Variants in RUFY2 observed in about 807,000 individuals in gnomAD.
RUFY2 encodes the protein RUN and FYVE domain-containing protein 2.
A neutral mutation model predicts 94.4 loss-of-function variants in RUFY2; 49 were observed. The ratio of observed to expected loss-of-function variants is 0.52; its 90% CI spans 0.41 to 0.66. RUFY2 has a LOEUF of 0.66. RUFY2 is among the 30% of genes least tolerant of loss of function. The probability of loss-of-function intolerance (pLI) is 0.00; values close to 1 mark genes in which losing one functional copy is unlikely to be tolerated. For missense variants in RUFY2, 541 were observed against 692.8 expected, an observed-to-expected ratio of 0.78 and a Z score of 2.46; for synonymous variants, 255 against 235.7, an observed-to-expected ratio of 1.08 and a Z score of -0.75.
chr10:68,341,114 T>G, downstream of RUFY2: 2 of 1,185,106 alleles, frequency 1.7e-6, no homozygotes, highest in Non-Finnish European at 1.2e-6. Flanking sequence ...AATCAAGGTA[T>G]GTGGTAATTT....
chr10:68,391,384 C>G lies in RUFY2; in HGVS notation c.650+1754G>C, dbSNP rs905428163. ...ACTTATGTGGCTGGGCACAATGGCTCATGCCTGTAATTTCAGCACTTTGGG... is the reference window on the plus strand; with the variant it reads ...ACTTATGTGGCTGGGCACAATGGCTGATGCCTGTAATTTCAGCACTTTGGG... On this transcript the variant is annotated intron_variant, in intron 7 of 17. Transcript: ENST00000602465. Among the ~76,000 whole-genome samples, 8 of 152,074 alleles carry G rather than the reference C, an allele frequency of 5.3e-5. No individual in the cohort carries two copies. The South Asian group carries it at 6.2e-4, about 12-fold the overall frequency.
At chr10:68,405,223 G>T (rs2051181828) in intron 1 of RUFY2, among the ~76,000 whole-genome samples, 1 of 151,008 alleles carries the variant, frequency 6.6e-6, no homozygotes, top group Non-Finnish European at 1.5e-5. Context: ...TGAAGCAGGA[G>T]AGTCACTTGA....
intron 16 of RUFY2, chr10:68,346,444 T>C (rs1333337875): frequency 5.4e-6 from 1 of 185,520 alleles, no homozygotes; most frequent in Non-Finnish European, 1.1e-5. Flanking sequence ...ATTGAAAAAA[T>C]GAAAAATCAA....
chr10:68,381,100 G>GA (rs766572179), intron 11 of RUFY2, 132 bp downstream of exon 11: 1,727 of 502,174 alleles, frequency 3.4e-3, no homozygotes, highest in Non-Finnish European at 4.3e-3. Flanking sequence ...CTTTCATTTA[G>GA]AAAAAAAAAG....
In RUFY2 at chr10:68,394,310, C is replaced by T. The variant is rs1037674582; in HGVS notation, c.522+18G>A. The T allele has an allele frequency of 6.2e-7, 1 of 1,613,768 alleles. No homozygotes were observed. The highest frequency in any genetic ancestry group is 1.7e-5 in the Admixed American group (1 of 60,002). On this transcript the variant is annotated intron_variant, in intron 5 of 17. Transcript: ENST00000602465. ...AACTGAAAACACTCTGCATTTGGCA[C>T]TAGTCACTTTCACTTACTTGTGAGT...
At chr10:68,406,456 A>C (rs2051311776) in intron 1 of RUFY2, among the ~76,000 whole-genome samples, 1 of 152,194 alleles carries the variant, frequency 6.6e-6, no homozygotes, top group South Asian at 2.1e-4. Flanking sequence ...CTAACGTGCG[A>C]TGCGACAACC....
intron 2 of RUFY2, 127 bp from the exon 3 acceptor site, chr10:68,401,864 C>A: frequency 1.6e-6 from 1 of 644,338 alleles, no homozygotes; most frequent in Non-Finnish European, 2.8e-6. Context: ...CTCTTTTATC[C>A]ACTACATATC....
chr10:68,366,349 A>G (rs1186420062), intron 13 of RUFY2, among the ~76,000 whole-genome samples: 48 of 150,988 alleles, frequency 3.2e-4, no homozygotes, highest in African/African-American at 9.0e-4. Flanking sequence ...AAAAAAAAAA[A>G]AGAGAGAGAA....
intron 16 of RUFY2, among the ~76,000 whole-genome samples, chr10:68,353,333 A>G (rs1352302496): frequency 7.8e-6 from 1 of 127,850 alleles, no homozygotes; most frequent in African/African-American, 2.6e-5. Flanking sequence ...CCTGTCTCGA[A>G]AAAAAAAAAA....
At chr10:68,348,602 T>A (rs1015487273) in intron 16 of RUFY2, among the ~76,000 whole-genome samples, 2 of 151,864 alleles carry the variant, frequency 1.3e-5, no homozygotes, top group African/African-American at 4.8e-5. Flanking sequence ...GCAAAGTGAT[T>A]TGCCAAATGT....
chr10:68,373,710 T>C (rs1239012875), intron 13 of RUFY2, among the ~76,000 whole-genome samples: 1 of 152,170 alleles, frequency 6.6e-6, no homozygotes, highest in African/African-American at 2.4e-5. Flanking sequence ...AATTAGAGGC[T>C]GCAATGAGCT....
chr10:68,370,306 A>G (rs2048170028), intron 13 of RUFY2, among the ~76,000 whole-genome samples: 1 of 152,172 alleles, frequency 6.6e-6, no homozygotes, highest in African/African-American at 2.4e-5. Flanking sequence ...AAAGTAAACT[A>G]ATCCAGTCTA....
At chr10:68,393,756 G>T in intron 6 of RUFY2, 1 of 306,520 alleles carries the variant, frequency 3.3e-6, no homozygotes, top group Non-Finnish European at 6.0e-6. Context: ...GTTCGATCTT[G>T]AAGTAAACCA....
chr10:68,370,019 C>T (rs1344097045), intron 13 of RUFY2, among the ~76,000 whole-genome samples: 1 of 150,334 alleles, frequency 6.7e-6, no homozygotes, highest in Admixed American at 6.6e-5. Context: ...CACGGGGGCT[C>T]GTGCCTATAA....
At chr10:68,360,322 G>A (rs1023545509) in intron 15 of RUFY2, among the ~76,000 whole-genome samples, 1 of 152,048 alleles carries the variant, frequency 6.6e-6, no homozygotes, top group African/African-American at 2.4e-5. Flanking sequence ...CAAGCTGGAT[G>A]TAGTGGCTCA....
chr10:68,346,123 CTA>C, intron 16 of RUFY2, 39 bp from the exon 17 acceptor site: 1 of 1,495,806 alleles, frequency 6.7e-7, no homozygotes, highest in Non-Finnish European at 9.1e-7. Context: ...ATTGGTAACA[CTA>C]AAAATTAAAT....
chr10:68,377,189 A>C, intron 12 of RUFY2: 1 of 1,396,280 alleles, frequency 7.2e-7, no homozygotes, highest in Non-Finnish European at 9.2e-7. Context: ...TAGTATGCCC[A>C]GAATACTATC....
At chr10:68,362,665 C>T (rs559278428) in intron 15 of RUFY2, among the ~76,000 whole-genome samples, 3 of 151,986 alleles carry the variant, frequency 2.0e-5, no homozygotes, top group Non-Finnish European at 4.4e-5. Flanking sequence ...TGGTGCCTGC[C>T]TGTAGTCTCA....
Position 68,391,877 on chromosome 10 carries a change from G to A in RUFY2, c.650+1261C>T, listed in dbSNP as rs549203245. The stretch of plus-strand genomic sequence containing the variant: ...CTCGGGAGGCTGAGGTAGGAGAATC[G>A]CTAGAACCCTGGGGGCAGGCAGAGG... On this transcript the variant is annotated intron_variant, in intron 7 of 17. Transcript: ENST00000602465. Among the ~76,000 whole-genome samples, 4 of 149,276 alleles carry A rather than the reference G, an allele frequency of 2.7e-5. 1 individual carries two copies. Among genetic ancestry groups the A allele is most frequent in the South Asian group, 2.1e-4 (1 of 4,692 alleles).
Sources: allele counts gnomAD v4.1 joint callset (sites outside exome capture counted in the v4.1 genomes callset), GRCh38; gene constraint gnomAD v4.1.1; transcripts MANE v1.5; gene names NCBI Gene and HGNC (gene_info 2026-07-23, HGNC 2026-07-21).